PIK3C2G: variants seen among roughly 807,000 people sequenced by gnomAD.
The protein encoded by PIK3C2G is phosphatidylinositol-4-phosphate 3-kinase catalytic subunit type 2 gamma.
Under a neutral mutation model 181.1 loss-of-function variants are expected in PIK3C2G, and 168 were observed. That is an observed-to-expected ratio of 0.93 (90% CI 0.82 to 1.05). The LOEUF (loss-of-function observed/expected upper bound fraction) is 1.05, where lower values mean the gene tolerates loss of function less well. PIK3C2G is among the 50% of genes least tolerant of loss of function. The probability of loss-of-function intolerance (pLI) is 0.00; values close to 1 mark genes in which losing one functional copy is unlikely to be tolerated. For synonymous variants in PIK3C2G, 573 were observed against 592.2 expected (o/e 0.97, Z 0.47); for missense variants, 1,869 against 1,732.8 (o/e 1.08, Z -1.40).
chr12:18,610,346 CTCT>C, intron 31 of PIK3C2G, among the ~76,000 whole-genome samples: 1 of 152,186 alleles, frequency 6.6e-6, no homozygotes, highest in East Asian at 1.9e-4. Flanking sequence ...AATTTTTGCT[CTCT>C]TCTTTGTGCA....
At chr12:18,430,856 A>G (rs1946115827) in intron 18 of PIK3C2G, among the ~76,000 whole-genome samples, 1 of 152,174 alleles carries the variant, frequency 6.6e-6, no homozygotes, top group Non-Finnish European at 1.5e-5. Flanking sequence ...AATTAAGCCA[A>G]TGTTGTCTCT....
chr12:18,377,463 G>A (rs1025568094), intron 13 of PIK3C2G, among the ~76,000 whole-genome samples: 1 of 152,168 alleles, frequency 6.6e-6, no homozygotes, highest in Admixed American at 6.5e-5. Context: ...ACATGGATGT[G>A]TTGCGTTACA....
At chr12:18,690,723 G>C in the PIK3C2G span, among the ~76,000 whole-genome samples, 1 of 152,120 alleles carries the variant, frequency 6.6e-6, no homozygotes, top group Non-Finnish European at 1.5e-5. Context: ...CCTAAGTCTT[G>C]AAAACTGAGT....
upstream of PIK3C2G, among the ~76,000 whole-genome samples, chr12:18,259,854 A>T (rs1948190718): frequency 6.6e-6 from 1 of 152,122 alleles, no homozygotes. Flanking sequence ...ACCAGGTAAG[A>T]CAGAAGGCTT....
intron 16 of PIK3C2G, 87 bp from the exon 17 acceptor site, chr12:18,420,854 T>C (rs959007946): frequency 1.4e-6 from 1 of 723,448 alleles, no homozygotes; most frequent in Non-Finnish European, 2.5e-6. Flanking sequence ...GCACTGGGGG[T>C]AGAATTCATT....
chr12:18,294,254 C>T (rs181687147), intron 5 of PIK3C2G, among the ~76,000 whole-genome samples: 4 of 152,134 alleles, frequency 2.6e-5, no homozygotes, highest in Admixed American at 1.3e-4. Flanking sequence ...ACTAGGGTGA[C>T]CAACCATCTC....
chr12:18,312,655 A>T (rs1341401215), intron 5 of PIK3C2G, among the ~76,000 whole-genome samples: 2 of 152,152 alleles, frequency 1.3e-5, no homozygotes, highest in African/African-American at 2.4e-5. Flanking sequence ...CTGTGAAAAC[A>T]ACTCAGCGAA....
At chr12:18,583,841 T>G (rs993701323) in intron 29 of PIK3C2G, among the ~76,000 whole-genome samples, 1 of 151,910 alleles carries the variant, frequency 6.6e-6, no homozygotes, top group Non-Finnish European at 1.5e-5. Context: ...CTGCACTAGT[T>G]CTCCAACAAG....
intron 24 of PIK3C2G, among the ~76,000 whole-genome samples, chr12:18,537,012 C>CA (rs1592522472): frequency 6.6e-6 from 1 of 151,856 alleles, no homozygotes; most frequent in Non-Finnish European, 1.5e-5. Context: ...TAATCATAGC[C>CA]AAAAAACTCG....
chr12:18,391,905 G>T (rs1943559515), intron 15 of PIK3C2G, among the ~76,000 whole-genome samples: 13 of 151,900 alleles, frequency 8.6e-5, no homozygotes, highest in Admixed American at 7.2e-4. Flanking sequence ...GAGAGAGAGA[G>T]ATTAAGATAT....
intron 5 of PIK3C2G, 86 bp downstream of exon 5, chr12:18,294,101 T>A: frequency 1.5e-6 from 1 of 658,136 alleles, no homozygotes; most frequent in Non-Finnish European, 2.7e-6. Context: ...AAACAGACTT[T>A]ACACAAACAT....
intron 32 of PIK3C2G, among the ~76,000 whole-genome samples, chr12:18,646,697 G>A (rs569815968): frequency 3.9e-5 from 6 of 152,238 alleles, no homozygotes; most frequent in African/African-American, 1.4e-4. Context: ...AGGCAAGTTT[G>A]TAGCAGCATA....
chr12:18,566,442 A>G (rs1945639841), intron 28 of PIK3C2G, among the ~76,000 whole-genome samples: 1 of 152,222 alleles, frequency 6.6e-6, no homozygotes, highest in South Asian at 2.1e-4. Context: ...CAGATTGTGC[A>G]AAGGAAATTC....
intron 26 of PIK3C2G, among the ~76,000 whole-genome samples, chr12:18,556,413 A>G (rs1234896286): frequency 6.6e-6 from 1 of 152,136 alleles, no homozygotes; most frequent in Non-Finnish European, 1.5e-5. Context: ...CCATGGGCTG[A>G]CCATAAAGTC....
Position 18,489,169 on chromosome 12 carries a change from T to A in PIK3C2G, c.2685+540T>A, listed in dbSNP as rs369057783. Among the ~76,000 whole-genome samples the A allele has an allele frequency of 8.7e-4, 133 of 152,246 alleles. 5 individuals carry two copies. In the South Asian group the frequency reaches 0.026, roughly 30 times the overall value. ...CTATTATTTTTCTTGGAAGAATATT[T>A]GCTCTTTTTAATTATCTCCATCACT... On this transcript the variant is annotated intron_variant, in intron 19 of 32. Transcript: ENST00000538779.
upstream of PIK3C2G, among the ~76,000 whole-genome samples, chr12:18,244,845 G>T (rs2136926814): frequency 6.6e-6 from 1 of 152,110 alleles, no homozygotes; most frequent in South Asian, 2.1e-4. Flanking sequence ...AATATTGGTG[G>T]CATCTTAAAA....
At chr12:18,417,742 T>C (rs1945258625) in intron 16 of PIK3C2G, among the ~76,000 whole-genome samples, 1 of 145,738 alleles carries the variant, frequency 6.9e-6, no homozygotes, top group African/African-American at 2.5e-5. Flanking sequence ...AACTTTTACA[T>C]ACATTAAAAA....
chr12:18,453,740 A>G (rs1947485035), intron 18 of PIK3C2G, among the ~76,000 whole-genome samples: 1 of 114,076 alleles, frequency 8.8e-6, no homozygotes, highest in South Asian at 2.5e-4. Flanking sequence ...TTCAATTAAA[A>G]GAGAGAGAGA....
the PIK3C2G span, among the ~76,000 whole-genome samples, chr12:18,658,279 T>C: frequency 6.6e-6 from 1 of 152,146 alleles, no homozygotes; most frequent in East Asian, 1.9e-4. Context: ...ACAGAAAGAA[T>C]ATTTAAAGAA....
Sources: allele counts gnomAD v4.1 joint callset (sites outside exome capture counted in the v4.1 genomes callset), GRCh38; gene constraint gnomAD v4.1.1; transcripts MANE v1.5; gene names NCBI Gene and HGNC (gene_info 2026-07-23, HGNC 2026-07-21).